ANKRD11: variants seen among roughly 807,000 people sequenced by gnomAD.
ANKRD11 encodes the protein ankyrin repeat domain 11, also known as ankyrin repeat domain-containing protein 11.
A neutral mutation model predicts 195.7 loss-of-function variants in ANKRD11; 17 were observed. That is an observed-to-expected ratio of 0.09 (90% CI 0.06 to 0.13). The LOEUF (loss-of-function observed/expected upper bound fraction) is 0.13, where lower values mean the gene tolerates loss of function less well. ANKRD11 is among the 10% of genes least tolerant of loss of function. The pLI, the probability that ANKRD11 is intolerant of heterozygous loss-of-function variation, is 1.00. For synonymous variants in ANKRD11, 1,953 were observed against 1,528.1 expected (o/e 1.28, Z -6.49); for missense variants, 3,735 against 3,566.1 (o/e 1.05, Z -1.21).
At chr16:89,333,032 T>C (rs2151970610) in intron 2 of ANKRD11, among the ~76,000 whole-genome samples, 1 of 152,136 alleles carries the variant, frequency 6.6e-6, no homozygotes. Context: ...TCCCCCAGAG[T>C]GACAGGGAAC....
At chr16:89,480,143 A>G (rs937971695) in intron 1 of ANKRD11, among the ~76,000 whole-genome samples, 8 of 151,018 alleles carry the variant, frequency 5.3e-5, no homozygotes, top group African/African-American at 2.0e-4. Flanking sequence ...CCTGCCAAGT[A>G]TTATTGCCTT....
At chr16:89,470,627 C>T (rs2057045846) in intron 1 of ANKRD11, among the ~76,000 whole-genome samples, 1 of 151,924 alleles carries the variant, frequency 6.6e-6, no homozygotes. Flanking sequence ...AGGTAGATCA[C>T]AAGGTCAGGA....
chr16:89,318,355 C>T (rs1217339628), intron 2 of ANKRD11, among the ~76,000 whole-genome samples: 2 of 152,360 alleles, frequency 1.3e-5, no homozygotes, highest in East Asian at 3.9e-4. Context: ...CACCCAAAGC[C>T]ACTGTCCCCC....
intron 2 of ANKRD11, among the ~76,000 whole-genome samples, chr16:89,385,831 G>C (rs2040883969): frequency 6.6e-6 from 1 of 152,234 alleles, no homozygotes; most frequent in South Asian, 2.1e-4. Context: ...CCAGAGGCCG[G>C]GGATTAGGCC....
At chr16:89,323,970 C>T (rs1255265368) in intron 2 of ANKRD11, 2 of 225,610 alleles carry the variant, frequency 8.9e-6, no homozygotes, top group African/African-American at 4.7e-5. Flanking sequence ...CCCTCCCCTG[C>T]ACCCCAAAAT....
intron 2 of ANKRD11, among the ~76,000 whole-genome samples, chr16:89,410,021 A>T (rs985249232): frequency 5.3e-5 from 8 of 152,162 alleles, no homozygotes; most frequent in African/African-American, 1.9e-4. Context: ...TTGTATTTTT[A>T]GTAGAGACGG....
At position 89,490,533 on chromosome 16, in the gene ANKRD11, C is replaced by T; in HGVS notation, c.-433G>A. 1 of 463,036 alleles carries T rather than the reference C, an allele frequency of 2.2e-6. No homozygotes were observed. The highest frequency in any genetic ancestry group is 3.6e-5 in the South Asian group (1 of 27,914). 28.7% of individuals were successfully genotyped at this position (463,036 alleles called of 1,614,324 possible). ...CGCCTCCCCGGCTGGGGCCCTCGGT[C>T]CATCGCGCACCGTCTCAGGGCGGCC... On this transcript the variant is annotated 5_prime_UTR_variant, in exon 1 of 13. Transcript: ENST00000301030.
At chr16:89,328,109 A>AC (rs1345259965) in intron 2 of ANKRD11, among the ~76,000 whole-genome samples, 1 of 152,118 alleles carries the variant, frequency 6.6e-6, no homozygotes, top group African/African-American at 2.4e-5. Flanking sequence ...AAGGCACTCG[A>AC]CATCCTAAGC....
intron 1 of ANKRD11, among the ~76,000 whole-genome samples, chr16:89,463,116 G>A (rs2056756233): frequency 6.7e-6 from 1 of 149,344 alleles, no homozygotes; most frequent in Non-Finnish European, 1.5e-5. Flanking sequence ...CTGCCCGGCC[G>A]CCCCTACTGG....
At chr16:89,397,337 A>T (rs2041484134) in intron 2 of ANKRD11, among the ~76,000 whole-genome samples, 1 of 152,242 alleles carries the variant, frequency 6.6e-6, no homozygotes, top group Non-Finnish European at 1.5e-5. Context: ...ATTCCACCGT[A>T]AGTGCTGTCA....
intron 1 of ANKRD11, among the ~76,000 whole-genome samples, chr16:89,464,685 G>A (rs1032184918): frequency 6.0e-5 from 9 of 149,688 alleles, no homozygotes; most frequent in Admixed American, 3.3e-4. Flanking sequence ...GAAAACAGAA[G>A]AATGACATGT....
chr16:89,279,714 C>G lies in ANKRD11; in HGVS notation c.6828G>C (p.Pro2276=). Residue 2276 remains proline (P), a synonymous_variant, in exon 9 of 13, where the codon CCG becomes CCC. Coordinates refer to ENST00000301030, the MANE Select transcript of ANKRD11 (RefSeq NM_013275.6). This position sits in a 1 kb window ranked among gnomAD's most constrained non-coding sequence, Gnocchi z 5.6. ...CGGCCTGAGCTTGTGCCACAGTGTTCGGGGCGGGGCCGTCAGGGGCACAGA... is the reference window on the plus strand; with the variant it reads ...CGGCCTGAGCTTGTGCCACAGTGTTGGGGGCGGGGCCGTCAGGGGCACAGA... ...ASLCAPDGPA[P]NTVAQAQAAD... 1 of 1,526,952 alleles carries G rather than the reference C, an allele frequency of 6.5e-7. No individual in the cohort carries two copies. The highest frequency in any genetic ancestry group is 2.4e-5 in the East Asian group (1 of 41,582). 94.6% of individuals were successfully genotyped at this position (1,526,952 alleles called of 1,614,324 possible).
rs1302607763 is a variant in ANKRD11, at chr16:89,286,059, G to T, written c.872C>A (p.Ser291Tyr). The change falls in exon 8 of 13, where the codon TCC (serine) becomes TAC (tyrosine). Residue 291 changes from serine (S) to tyrosine (Y), a missense_variant. Physicochemically the swap from Ser to Tyr is moderately radical, Grantham distance 144 (BLOSUM62 -2). Transcript: ENST00000301030. Reference sequence around the variant, plus strand: ...CTTACCCGTCGAGCTCTCCTCGCTGGAAGTGTAAGTGCCTTTGCCTAACAG... The same window carrying T: ...CTTACCCGTCGAGCTCTCCTCGCTGTAAGTGTAAGTGCCTTTGCCTAACAG... ...NLLLGKGTYT[S>Y]SEESSTESSE... 2 of 1,614,224 alleles carry T rather than the reference G, an allele frequency of 1.2e-6. No homozygotes were observed. The highest frequency in any genetic ancestry group is 1.7e-6 in the Non-Finnish European group (2 of 1,180,042).
intron 1 of ANKRD11, among the ~76,000 whole-genome samples, chr16:89,489,523 C>T (rs922739212): frequency 1.3e-5 from 2 of 151,484 alleles, no homozygotes; most frequent in African/African-American, 4.9e-5. Flanking sequence ...TTCGCCCTCC[C>T]CCTCCGGCTC....
At chr16:89,455,764 T>C (rs999741763) in intron 1 of ANKRD11, among the ~76,000 whole-genome samples, 54 of 152,192 alleles carry the variant, frequency 3.5e-4, no homozygotes, top group Admixed American at 2.4e-3. Context: ...GGGCTGTACA[T>C]TTTGACCTAT....
At chr16:89,399,333 A>G (rs2041595987) in intron 2 of ANKRD11, among the ~76,000 whole-genome samples, 1 of 152,192 alleles carries the variant, frequency 6.6e-6, no homozygotes, top group Non-Finnish European at 1.5e-5. Context: ...CATCCAGACA[A>G]CAGAATATTA....
chr16:89,374,858 A>G (rs902180168), intron 2 of ANKRD11, among the ~76,000 whole-genome samples: 2 of 152,202 alleles, frequency 1.3e-5, no homozygotes, highest in Non-Finnish European at 2.9e-5. Flanking sequence ...TTCAACAAAT[A>G]CACTGAAAAA....
chr16:89,484,985 A>G (rs1821815360), intron 1 of ANKRD11, among the ~76,000 whole-genome samples: 1 of 152,214 alleles, frequency 6.6e-6, no homozygotes, highest in African/African-American at 2.4e-5. Context: ...CTGAGACAGC[A>G]GCACCCTGAC....
intron 2 of ANKRD11, among the ~76,000 whole-genome samples, chr16:89,388,421 C>G (rs907027592): frequency 6.6e-6 from 1 of 150,790 alleles, no homozygotes; most frequent in East Asian, 2.0e-4. Context: ...TGAGCCACCA[C>G]GCCCAGCCTC....
Sources: allele counts gnomAD v4.1 joint callset (sites outside exome capture counted in the v4.1 genomes callset), GRCh38; gene constraint gnomAD v4.1.1; non-coding constraint Gnocchi (gnomAD v3.1); transcripts MANE v1.5; gene names NCBI Gene and HGNC (gene_info 2026-07-23, HGNC 2026-07-21).